Variants in FAM20B observed in about 807,000 individuals in gnomAD.
The protein encoded by FAM20B is glycosaminoglycan xylosylkinase.
In FAM20B, 23 loss-of-function variants were observed where a neutral mutation model predicts 43.8. That is an observed-to-expected ratio of 0.53 (90% CI 0.38 to 0.74). FAM20B has a LOEUF of 0.74. Among genes scored for constraint, FAM20B ranks in the 30% least tolerant of loss-of-function variants. The pLI is 0.00. For missense variants in FAM20B, 440 were observed against 510.5 expected (o/e 0.86, Z 1.33); for synonymous variants, 178 against 192.4 (o/e 0.93, Z 0.62).
chr1:179,044,500 A>G (rs1308560730), intron 2 of FAM20B, among the ~76,000 whole-genome samples: 1 of 152,280 alleles, frequency 6.6e-6, no homozygotes. Context: ...TCTTTTTACT[A>G]TCTCCGTAGT....
At chr1:179,048,553 G>C (rs1650875608) in intron 2 of FAM20B, among the ~76,000 whole-genome samples, 1 of 152,164 alleles carries the variant, frequency 6.6e-6, no homozygotes, top group Non-Finnish European at 1.5e-5. Context: ...CTGCCCTGAA[G>C]TACTAAAAAT....
chr1:179,031,196 A>T (rs1649994252), intron 1 of FAM20B, among the ~76,000 whole-genome samples: 3 of 152,234 alleles, frequency 2.0e-5, no homozygotes, highest in Admixed American at 2.0e-4. Context: ...TTTCAACACT[A>T]TACAGGAATT....
chr1:179,058,872 G>A (rs1017246598), intron 4 of FAM20B, among the ~76,000 whole-genome samples: 4 of 152,170 alleles, frequency 2.6e-5, no homozygotes, highest in African/African-American at 9.7e-5. Context: ...GAGAGCAATT[G>A]AGAGAGAAGA....
At chr1:179,031,373 C>T (rs1385766601) in intron 1 of FAM20B, among the ~76,000 whole-genome samples, 1 of 152,172 alleles carries the variant, frequency 6.6e-6, no homozygotes, top group African/African-American at 2.4e-5. Flanking sequence ...TTTTTTAGAA[C>T]AGAACTCGCT....
rs1465585691 is a variant in FAM20B, at chr1:179,073,288, CAA to C, written c.*1146_*1147del. ...ATTTGGGGCCATGGAAGATTGGAAACAAAGATTTTAAGCCTTCTTCTTTTTTT... is the reference window on the plus strand; with the variant it reads ...ATTTGGGGCCATGGAAGATTGGAAACAGATTTTAAGCCTTCTTCTTTTTTT... On this transcript the variant is annotated 3_prime_UTR_variant, in exon 8 of 8. Transcript: ENST00000263733. 6.6e-6 allele frequency: 1 copy of C among 152,152 alleles called. No homozygotes were observed. The highest frequency in any genetic ancestry group is 1.5e-5 in the Non-Finnish European group (1 of 68,074). 9.4% of individuals were successfully genotyped at this position (152,152 alleles called of 1,614,324 possible).
rs370466629 is a variant in FAM20B, at chr1:179,064,416, C to T, written c.858C>T (p.Gly286=). 1.4e-5 allele frequency: 22 copies of T among 1,614,094 alleles called. No individual in the cohort carries two copies. The African/African-American group carries it at 1.5e-4, about 11-fold the overall frequency. The stretch of plus-strand genomic sequence containing the variant: ...CAGCTGTCTTTGATTACCTGATTGG[C>T]AATGCTGACCGCCATCACTATGAGA... ...IDTAVFDYLI[G]NADRHHYESF... is the part of the protein sequence containing the mutation. The change falls in exon 6 of 8, where the codon GGC becomes GGT. Residue 286 remains glycine, a synonymous_variant. Transcript: ENST00000263733.
At chr1:179,054,342 A>G (rs566763507) in intron 3 of FAM20B, among the ~76,000 whole-genome samples, 187 bp from the exon 4 acceptor site, 70 of 152,326 alleles carry the variant, frequency 4.6e-4, no homozygotes, top group African/African-American at 1.6e-3. Flanking sequence ...GCTGAAATGT[A>G]TATTAAAATA....
At chr1:179,026,335 G>A (rs927832576) in intron 1 of FAM20B, among the ~76,000 whole-genome samples, 1 of 151,816 alleles carries the variant, frequency 6.6e-6, no homozygotes, top group Non-Finnish European at 1.5e-5. Flanking sequence ...CGCTCGGGCC[G>A]CGTGTCCCTG....
At chr1:179,035,769 G>C (rs1033194175) in intron 1 of FAM20B, 4 of 267,618 alleles carry the variant, frequency 1.5e-5, no homozygotes, top group Non-Finnish European at 2.9e-5. Context: ...TCTTACGTTT[G>C]CCCTTATACA....
chr1:179,046,608 C>T (rs1650784021), intron 2 of FAM20B, among the ~76,000 whole-genome samples: 1 of 152,178 alleles, frequency 6.6e-6, no homozygotes, highest in East Asian at 1.9e-4. Context: ...GCTGAGATTG[C>T]ACCATTGCAC....
rs772268954 is a variant in FAM20B, at chr1:179,072,106, G to A, written c.1192G>A (p.Val398Ile). Residue 398 changes from valine to isoleucine, a missense_variant, in exon 8 of 8, where the codon GTA becomes ATA. By Grantham distance (29) the Val-to-Ile change is conservative. Transcript: ENST00000263733. ...QCTDQFGMDTVLVEDRMPLSH... is the reference protein window; with the variant it reads ...QCTDQFGMDTILVEDRMPLSH... ...CACCGACCAGTTTGGGATGGACACA[G>A]TACTGGTGGAAGACAGGATGCCTCT... 6.2e-7 allele frequency: 1 copy of A among 1,614,046 alleles called. No individual in the cohort carries two copies. The highest frequency in any genetic ancestry group is 8.5e-7 in the Non-Finnish European group (1 of 1,179,932).
chr1:179,075,332 A>T lies in FAM20B; in HGVS notation c.*3188A>T, dbSNP rs1190331492. 1 of 152,210 alleles carries T rather than the reference A, an allele frequency of 6.6e-6. No individual in the cohort carries two copies. 9.4% of individuals were successfully genotyped at this position (152,210 alleles called of 1,614,324 possible). A position where few individuals can be genotyped will look rare whatever the true frequency, so the allele number is the denominator to read the frequency against. On this transcript the variant is annotated 3_prime_UTR_variant, in exon 8 of 8. Transcript: ENST00000263733. Reference sequence around the variant, plus strand: ...GTTAGGTATGCCTACCAAACATCCAAAGGTAGACGTGGAGACATTTTAATA... The same window carrying T: ...GTTAGGTATGCCTACCAAACATCCATAGGTAGACGTGGAGACATTTTAATA...
intron 4 of FAM20B, among the ~76,000 whole-genome samples, chr1:179,055,642 A>G (rs1000745355): frequency 6.6e-6 from 1 of 152,064 alleles, no homozygotes; most frequent in African/African-American, 2.4e-5. Context: ...GGGTGCTGGG[A>G]TTGAGGGAAA....
intron 3 of FAM20B, among the ~76,000 whole-genome samples, chr1:179,053,033 A>G (rs1651069475): frequency 6.6e-6 from 1 of 152,172 alleles, no homozygotes; most frequent in Non-Finnish European, 1.5e-5. Context: ...CAGGACACCT[A>G]TTTGTTATCT....
intron 4 of FAM20B, among the ~76,000 whole-genome samples, chr1:179,061,830 A>T (rs1003006864): frequency 3.9e-5 from 6 of 152,124 alleles, no homozygotes; most frequent in Admixed American, 1.3e-4. Flanking sequence ...CCATGAACTC[A>T]CTATGAGCTA....
chr1:179,054,088 T>G (rs996352546), intron 3 of FAM20B, among the ~76,000 whole-genome samples: 2 of 151,932 alleles, frequency 1.3e-5, no homozygotes, highest in Non-Finnish European at 2.9e-5. Context: ...TCTGTGGGCT[T>G]AGCCTTTTAG....
intron 3 of FAM20B, among the ~76,000 whole-genome samples, chr1:179,054,035 A>C (rs1326061663): frequency 6.6e-6 from 1 of 150,890 alleles, no homozygotes; most frequent in Non-Finnish European, 1.5e-5. Context: ...TCAACCTTTT[A>C]GATTATTAGA....
upstream of FAM20B, among the ~76,000 whole-genome samples, chr1:179,024,232 C>T (rs952909590): frequency 3.3e-5 from 5 of 152,138 alleles, no homozygotes; most frequent in African/African-American, 1.2e-4. Context: ...ATGACTGCCC[C>T]CTGCCCTCAC....
intron 1 of FAM20B, among the ~76,000 whole-genome samples, chr1:179,034,298 C>T (rs1650128799): frequency 6.6e-6 from 1 of 152,180 alleles, no homozygotes; most frequent in Non-Finnish European, 1.5e-5. Context: ...AGAACTGGCA[C>T]ACAGTCATTT....
Sources: gnomAD v4.1 joint callset for allele counts (sites outside exome capture counted in the v4.1 genomes callset) on GRCh38, gnomAD v4.1.1 for gene constraint, MANE v1.5 for transcripts, NCBI Gene and HGNC (gene_info 2026-07-23, HGNC 2026-07-21) for gene names.